Variants in KAT8 observed in about 807,000 individuals in gnomAD.
The protein encoded by KAT8 is lysine acetyltransferase 8.
KAT8 carries 40 observed loss-of-function variants against 62.9 expected under a neutral mutation model. The observed-to-expected ratio is 0.64, with a 90% CI of 0.49 to 0.83. The LOEUF is 0.83. Among genes scored for constraint, KAT8 ranks in the 40% least tolerant of loss-of-function variants. The probability of loss-of-function intolerance (pLI) is 0.00; values close to 1 mark genes in which losing one functional copy is unlikely to be tolerated. For missense variants in KAT8, 387 were observed against 614.8 expected, an observed-to-expected ratio of 0.63 and a Z score of 3.92; for synonymous variants, 278 against 254.5, an observed-to-expected ratio of 1.09 and a Z score of -0.88.
intron 3 of KAT8, 70 bp downstream of exon 3, chr16:31,120,584 GC>G: frequency 7.0e-7 from 1 of 1,437,566 alleles, no homozygotes. Context: ...GGTCTCTCGG[GC>G]CCCAGTGCCA....
chr16:31,120,868 C>T, intron 3 of KAT8: 1 of 228,982 alleles, frequency 4.4e-6, no homozygotes. Context: ...TATAGCCAAG[C>T]ACCCTGCCAA....
In KAT8 at chr16:31,128,116, G is replaced by A. The variant is rs750420411; in HGVS notation, c.748G>A (p.Glu250Lys). 3.1e-6 allele frequency: 5 copies of A among 1,614,028 alleles called. No homozygotes were observed. Among genetic ancestry groups the A allele is most frequent in the Admixed American group, 1.7e-5 (1 of 60,022 alleles). Residue 250 changes from glutamate (E) to lysine (K), a missense_variant, in exon 6 of 11, where the codon GAA (glutamate) becomes AAA (lysine). Physicochemically the swap from Glu to Lys is moderately conservative, Grantham distance 56. Transcript: ENST00000219797. ...IYRKSNISVY[E>K]VDGKDHKIYC... The stretch of plus-strand genomic sequence containing the variant: ...CCGCAAGAGCAACATCTCCGTGTAC[G>A]AAGTTGATGGCAAAGACCATAAGGT...
At position 31,117,719 on chromosome 16, in the gene KAT8, G is replaced by T; in HGVS notation, c.38G>T (p.Gly13Val). 7.2e-7 allele frequency: 1 copy of T among 1,384,132 alleles called. No individual in the cohort carries two copies. Among genetic ancestry groups the T allele is most frequent in the Non-Finnish European group, 9.4e-7 (1 of 1,063,358 alleles). 85.7% of individuals were successfully genotyped at this position (1,384,132 alleles called of 1,614,324 possible). Residue 13 changes from glycine (G) to valine (V), a missense_variant, in exon 1 of 11, where the codon GGG (glycine) becomes GTG (valine). Gly to Val is a moderately radical substitution (Grantham distance 109). Around this residue, in one of 6 missense-constraint regions of KAT8, gnomAD observed 92 missense variants for 78.8 expected, o/e 1.17. Coordinates refer to ENST00000219797, the MANE Select transcript of KAT8 (RefSeq NM_032188.3). ...AQGAAAAVAA[G>V]TSGVAGEGEP... ...GGAGCTGCTGCGGCGGTTGCGGCGG[G>T]GACTTCAGGGGTCGCGGGGGAGGGC...
chr16:31,117,942 G>C, intron 1 of KAT8, 50 bp downstream of exon 1: 1 of 1,248,666 alleles, frequency 8.0e-7, no homozygotes, highest in Non-Finnish European at 1.0e-6. Context: ...AGGGCCAGGG[G>C]GTGGGGCGGG....
chr16:31,118,015 C>G, intron 1 of KAT8, 123 bp downstream of exon 1: 2 of 736,594 alleles, frequency 2.7e-6, no homozygotes, highest in South Asian at 5.2e-5. Flanking sequence ...GGAGGAGGGG[C>G]GGGGCTTGAG....
chr16:31,130,986 C>T (rs1466038763), intron 10 of KAT8, 86 bp downstream of exon 10: 1 of 1,542,470 alleles, frequency 6.5e-7, no homozygotes, highest in Non-Finnish European at 8.8e-7. Flanking sequence ...TTATTGCTGT[C>T]ACATGATCCC....
In KAT8 at chr16:31,127,370, C is replaced by T. The variant is rs763621855; in HGVS notation, c.681+17C>T. 43 of 1,612,956 alleles carry T rather than the reference C, an allele frequency of 2.7e-5. No homozygotes were observed. The East Asian group carries it at 5.3e-4, about 20-fold the overall frequency. The stretch of plus-strand genomic sequence containing the variant: ...TTCCACTTGGTGAGGCTGGGCCGGC[C>T]GGGCCGAGCTGGGCAGGGGCCCGGT... On this transcript the variant is annotated intron_variant, in intron 5 of 10. Transcript: ENST00000219797.
intron 3 of KAT8, 180 bp downstream of exon 3, chr16:31,120,694 G>A (rs978420255): frequency 3.3e-6 from 2 of 601,096 alleles, no homozygotes; most frequent in African/African-American, 1.8e-5. Flanking sequence ...ACAGACAGAG[G>A]GTAAGGGCTT....
intron 1 of KAT8, among the ~76,000 whole-genome samples, chr16:31,119,761 T>C (rs1367967367): frequency 6.6e-6 from 1 of 151,892 alleles, no homozygotes; most frequent in Admixed American, 6.6e-5. Flanking sequence ...GCCTCAGCCT[T>C]GCCTCCCAGG....
Position 31,127,309 on chromosome 16 carries a change from T to G in KAT8, c.637T>G (p.Cys213Gly). 6.2e-7 allele frequency: 1 copy of G among 1,614,258 alleles called. No homozygotes were observed. The highest frequency in any genetic ancestry group is 8.5e-7 in the Non-Finnish European group (1 of 1,180,046). ...GCCCAAGCTCTGGCTCTGCGAGTACTGCCTCAAGTACATGAAATATGAGAA... is the reference window on the plus strand; with the variant it reads ...GCCCAAGCTCTGGCTCTGCGAGTACGGCCTCAAGTACATGAAATATGAGAA... ...KQPKLWLCEY[C>G]LKYMKYEKSY... Residue 213 changes from cysteine (C) to glycine (G), a missense_variant, in exon 5 of 11, where the codon TGC becomes GGC. By Grantham distance (159) the Cys-to-Gly change is radical. Transcript: ENST00000219797.
chr16:31,130,859 A>G lies in KAT8; in HGVS notation c.1271A>G (p.Glu424Gly). 6.2e-7 allele frequency: 1 copy of G among 1,612,750 alleles called. No homozygotes were observed. The highest frequency in any genetic ancestry group is 1.1e-5 in the South Asian group (1 of 91,034). ...TGTGTCACACCCAAGCTGGTGGAGGAGCACCTCAAAAGTGCCCAGTATAAG... is the reference window on the plus strand; with the variant it reads ...TGTGTCACACCCAAGCTGGTGGAGGGGCACCTCAAAAGTGCCCAGTATAAG... Reference protein sequence around the residue: ...VICVTPKLVEEHLKSAQYKKP... With the variant: ...VICVTPKLVEGHLKSAQYKKP... The change falls in exon 10 of 11, where the codon GAG becomes GGG. Residue 424 changes from glutamate (E) to glycine (G), a missense_variant. Physicochemically the swap from Glu to Gly is moderately conservative, Grantham distance 98. Transcript: ENST00000219797.
intron 3 of KAT8, among the ~76,000 whole-genome samples, chr16:31,124,431 C>T (rs2057519288): frequency 6.6e-6 from 1 of 152,054 alleles, no homozygotes; most frequent in Non-Finnish European, 1.5e-5. Context: ...CATTTGAGGT[C>T]AGGAGTTCGA....
intron 3 of KAT8, 98 bp from the exon 4 acceptor site, chr16:31,126,937 G>A: frequency 1.5e-6 from 2 of 1,292,986 alleles, no homozygotes; most frequent in East Asian, 4.6e-5. Context: ...CAGGAATGAG[G>A]TCTGGTAGAC....
At chr16:31,128,750 G>A (rs749658638) in intron 6 of KAT8, among the ~76,000 whole-genome samples, 10 of 152,252 alleles carry the variant, frequency 6.6e-5, no homozygotes, top group Non-Finnish European at 1.2e-4. Flanking sequence ...TGGAAAGAAA[G>A]GTGTTTGTTT....
At chr16:31,124,055 A>G (rs1158398646) in intron 3 of KAT8, 1 of 152,272 alleles carries the variant, frequency 6.6e-6, no homozygotes, top group Admixed American at 6.5e-5. Flanking sequence ...AATTGCAACA[A>G]TTAAGAAAAG....
chr16:31,128,053 C>T lies in KAT8; in HGVS notation c.685C>T (p.Gln229Ter), dbSNP rs2057546423. 6.2e-7 allele frequency: 1 copy of T among 1,613,728 alleles called. No individual in the cohort carries two copies. Among genetic ancestry groups the T allele is most frequent in the Non-Finnish European group, 8.5e-7 (1 of 1,179,714 alleles). ...YEKSYRFHLG[Q>*]CQWRQPPGKE... is the part of the protein sequence containing the mutation. ...CTGTTCTCTTGTCCCCGACCAGGGTCAGTGCCAGTGGCGGCAGCCCCCCGG... is the reference window on the plus strand; with the variant it reads ...CTGTTCTCTTGTCCCCGACCAGGGTTAGTGCCAGTGGCGGCAGCCCCCCGG... Residue 229 changes from glutamine (Q) to a stop codon, truncating the protein, a stop_gained, in exon 6 of 11, where the codon CAG (glutamine) becomes TAG (stop). Transcript: ENST00000219797. LOFTEE classifies it high-confidence loss of function.
rs751013873 is a variant in KAT8 at position 31,130,177 on chromosome 16, G to GGGGTGGGGA, written c.912+33_912+41dup. On this transcript the variant is annotated intron_variant, in intron 7 of 10. Transcript: ENST00000219797. The stretch of plus-strand genomic sequence containing the variant: ...TCCAAGGTGCTGGGTCTGGAAACTC[G>GGGGTGGGGA]GGGTGGGGAGGGTGGGGAGGGCGAA... 2.5e-6 allele frequency: 4 copies of GGGGTGGGGA among 1,611,332 alleles called. No homozygotes were observed. The highest frequency in any genetic ancestry group is 2.2e-5 in the South Asian group (2 of 91,016).
rs892536315 is a variant in KAT8 at position 31,125,033 on chromosome 16, A to G, written c.463-2002A>G. Among the ~76,000 whole-genome samples the G allele has an allele frequency of 5.3e-5, 8 of 152,132 alleles. 1 individual carries two copies. Among genetic ancestry groups the G allele is most frequent in the Non-Finnish European group, 1.2e-4 (8 of 68,008 alleles). ...CAAGAGCAAAATTTCATCTCAAAAA[A>G]CAAAATAAATTAGCTGGGAATGGTA... On this transcript the variant is annotated intron_variant, in intron 3 of 10. Transcript: ENST00000219797.
chr16:31,130,978 A>T (rs1182452872), intron 10 of KAT8, 78 bp downstream of exon 10: 1 of 1,552,862 alleles, frequency 6.4e-7, no homozygotes, highest in Non-Finnish European at 8.7e-7. Context: ...AGGCCTCCTT[A>T]TTGCTGTCAC....
Sources: allele counts gnomAD v4.1 joint callset (sites outside exome capture counted in the v4.1 genomes callset), GRCh38; gene constraint gnomAD v4.1.1; regional missense constraint gnomAD v4.1.1; transcripts MANE v1.5; gene names NCBI Gene and HGNC (gene_info 2026-07-23, HGNC 2026-07-21).